Variants in AP2B1 observed in about 807,000 individuals in gnomAD.
AP2B1 encodes the protein adaptor related protein complex 2 subunit beta 1.
AP2B1 carries 23 observed loss-of-function variants against 102.0 expected under a neutral mutation model. The observed-to-expected ratio is 0.23, with a 90% CI of 0.16 to 0.32. The LOEUF is 0.32. AP2B1 is among the 10% of genes least tolerant of loss of function. AP2B1 has a pLI of 1.00. For missense variants in AP2B1, 541 were observed against 1,157.4 expected (o/e 0.47, Z 7.73); for synonymous variants, 381 against 421.2 (o/e 0.90, Z 1.17).
At chr17:35,712,871 T>G (rs2076479798) in intron 20 of AP2B1, among the ~76,000 whole-genome samples, 1 of 152,224 alleles carries the variant, frequency 6.6e-6, no homozygotes, top group African/African-American at 2.4e-5. Context: ...CCACCAGTAT[T>G]CCTTGAACAT....
At position 35,647,883 on chromosome 17, in the gene AP2B1, G is replaced by A. The variant is rs1200933834; in HGVS notation, c.1537-2647G>A. ...TTTGGTTATGAGTTTTTTGGGTTTT[G>A]GGGGTTTGTTTTTTTTTTTTTCTTT... On this transcript the variant is annotated intron_variant, in intron 12 of 21. Coordinates refer to ENST00000610402, the MANE Select transcript of AP2B1 (RefSeq NM_001030006.2). Among the ~76,000 whole-genome samples, 5 of 105,224 alleles carry A rather than the reference G, an allele frequency of 4.8e-5. No homozygotes were observed. The South Asian group carries it at 1.5e-3, about 32-fold the overall frequency. The allele number at this position is 105,224 out of a possible 152,430, so 69.0% of individuals were successfully genotyped here. A position where few individuals can be genotyped will look rare whatever the true frequency, so the allele number is the denominator to read the frequency against.
chr17:35,607,257 A>T (rs988464361), intron 4 of AP2B1, among the ~76,000 whole-genome samples: 25 of 151,956 alleles, frequency 1.6e-4, no homozygotes, highest in Middle Eastern at 3.2e-3. Context: ...GTGTACATTT[A>T]AAAAAAACAG....
chr17:35,692,555 T>G (rs73990265), intron 18 of AP2B1, among the ~76,000 whole-genome samples: 6,689 of 152,264 alleles, frequency 0.044, 175 homozygotes, highest in African/African-American at 0.068. Context: ...TACAGAGAAC[T>G]CACTCAGTTT....
chr17:35,674,444 C>A, intron 17 of AP2B1, 123 bp downstream of exon 17: 1 of 1,192,168 alleles, frequency 8.4e-7, no homozygotes, highest in East Asian at 2.4e-5. Context: ...TGGCTCATGC[C>A]TATAATCCCA....
chr17:35,671,273 T>A (rs2075581606), intron 15 of AP2B1, among the ~76,000 whole-genome samples: 1 of 152,184 alleles, frequency 6.6e-6, no homozygotes, highest in African/African-American at 2.4e-5. Flanking sequence ...AATGAGTTAG[T>A]TTCAGGGGTG....
Position 35,710,273 on chromosome 17 carries a change from A to T in AP2B1, c.2579A>T (p.Asn860Ile). ...CTTGCAACATGGAAGGATATTCCCA[A>T]TGAAAATGAACTTCAGTTTCAGATT... Reference protein sequence around the residue: ...VFLATWKDIPNENELQFQIKE... With the variant: ...VFLATWKDIPIENELQFQIKE... Residue 860 changes from asparagine to isoleucine, a missense_variant, in exon 20 of 22, where the codon AAT becomes ATT. This residue lies in a region of AP2B1 where 117 missense variants were observed against 206.7 expected (regional missense o/e 0.57). Transcript: ENST00000610402. The T allele has an allele frequency of 6.2e-7, 1 of 1,613,896 alleles. No individual in the cohort carries two copies. Among genetic ancestry groups the T allele is most frequent in the South Asian group, 1.1e-5 (1 of 91,044 alleles).
intron 18 of AP2B1, among the ~76,000 whole-genome samples, chr17:35,688,466 G>A (rs1289023258): frequency 6.6e-6 from 1 of 152,024 alleles, no homozygotes; most frequent in Non-Finnish European, 1.5e-5. Context: ...CCATCATGCT[G>A]GGTACTCATT....
At chr17:35,687,060 C>T (rs190171084) in intron 18 of AP2B1, among the ~76,000 whole-genome samples, 16 of 152,160 alleles carry the variant, frequency 1.1e-4, no homozygotes, top group Non-Finnish European at 2.1e-4. Context: ...AAGCCAATTT[C>T]GTTCACCTCT....
chr17:35,692,195 T>G (rs891373901), intron 18 of AP2B1, among the ~76,000 whole-genome samples: 1 of 152,184 alleles, frequency 6.6e-6, no homozygotes, highest in Non-Finnish European at 1.5e-5. Context: ...CAGGAGACAG[T>G]TAAACACCCA....
intron 9 of AP2B1, 111 bp downstream of exon 9, chr17:35,627,837 C>A: frequency 1.1e-6 from 1 of 887,290 alleles, no homozygotes; most frequent in South Asian, 2.1e-5. Flanking sequence ...CACACAGTTT[C>A]AATGTTAAAG....
chr17:35,669,646 G>A (rs975838456), intron 14 of AP2B1, among the ~76,000 whole-genome samples: 3 of 152,098 alleles, frequency 2.0e-5, no homozygotes, highest in East Asian at 1.9e-4. Context: ...TGTTGTAGTC[G>A]TCACTATTTT....
At chr17:35,679,507 A>G (rs1335130338) in intron 17 of AP2B1, among the ~76,000 whole-genome samples, 2 of 151,650 alleles carry the variant, frequency 1.3e-5, no homozygotes, top group African/African-American at 2.4e-5. Context: ...AAGACCTACT[A>G]CTACTGGTTT....
At chr17:35,720,573 A>ATT (rs1208973388) in intron 21 of AP2B1, among the ~76,000 whole-genome samples, 315 of 28,048 alleles carry the variant, frequency 0.011, 25 homozygotes, top group East Asian at 0.029. Context: ...ATATATATAT[A>ATT]TTTTTTTTTT....
At chr17:35,710,056 G>T (rs1170512224) in intron 19 of AP2B1, among the ~76,000 whole-genome samples, 178 bp from the exon 20 acceptor site, 1 of 152,182 alleles carries the variant, frequency 6.6e-6, no homozygotes, top group African/African-American at 2.4e-5. Flanking sequence ...TACTGATGAC[G>T]GATTAATTGA....
intron 2 of AP2B1, among the ~76,000 whole-genome samples, chr17:35,595,614 G>A (rs1051055396): frequency 2.6e-5 from 4 of 152,150 alleles, no homozygotes; most frequent in Admixed American, 6.6e-5. Context: ...GAGAACTACT[G>A]CTAGCTGCTA....
rs994085533 is a variant in AP2B1, at chr17:35,707,733, G to A, written c.2455-1491G>A. ...CTCCCAAAGTGCTGGGATTACAGGCGTGAGCCACTGCACCCACCCATGCTC... is the reference window on the plus strand; with the variant it reads ...CTCCCAAAGTGCTGGGATTACAGGCATGAGCCACTGCACCCACCCATGCTC... On this transcript the variant is annotated intron_variant, in intron 18 of 21. Coordinates refer to ENST00000610402, the MANE Select transcript of AP2B1 (RefSeq NM_001030006.2). Among the ~76,000 whole-genome samples, 13 of 152,198 alleles carry A rather than the reference G, an allele frequency of 8.5e-5. No individual in the cohort carries two copies. The East Asian group carries it at 1.7e-3, about 20-fold the overall frequency.
At chr17:35,601,033 T>C (rs1266520716) in intron 3 of AP2B1, 1 of 984,024 alleles carries the variant, frequency 1.0e-6, no homozygotes, top group African/African-American at 1.7e-5. Flanking sequence ...TGACCATCTA[T>C]CTAAGGAGTT....
chr17:35,679,009 A>T (rs1464526016), intron 17 of AP2B1, among the ~76,000 whole-genome samples: 1 of 152,012 alleles, frequency 6.6e-6, no homozygotes, highest in Admixed American at 6.6e-5. Flanking sequence ...TTTGTTTGTC[A>T]TTAAGGAAGT....
At chr17:35,607,354 T>TG (rs1305750691) in intron 4 of AP2B1, among the ~76,000 whole-genome samples, 1 of 152,264 alleles carries the variant, frequency 6.6e-6, no homozygotes, top group Non-Finnish European at 1.5e-5. Flanking sequence ...TTTTGTTCTT[T>TG]TCCTGTGTTT....
Sources: allele counts gnomAD v4.1 joint callset (sites outside exome capture counted in the v4.1 genomes callset), GRCh38; gene constraint gnomAD v4.1.1; regional missense constraint gnomAD v4.1.1; transcripts MANE v1.5; gene names NCBI Gene and HGNC (gene_info 2026-07-23, HGNC 2026-07-21).